PRTN3: variants seen among roughly 807,000 people sequenced by gnomAD.
The protein encoded by PRTN3 is myeloblastin.
A neutral mutation model predicts 20.7 loss-of-function variants in PRTN3; 22 were observed. The observed-to-expected ratio is 1.06, with a 90% CI of 0.76 to 1.52. The LOEUF (loss-of-function observed/expected upper bound fraction) is 1.52. Ranked by LOEUF, PRTN3 falls within the 40% of genes most tolerant of loss-of-function variation. PRTN3 has a pLI of 0.00. For missense variants in PRTN3, 378 were observed against 359.6 expected (o/e 1.05, Z -0.41); for synonymous variants, 173 against 152.9 (o/e 1.13, Z -0.97).
rs2035475633 is a variant in PRTN3, at chr19:843,707, G to C, written c.227+81G>C. 4.0e-6 allele frequency: 6 copies of C among 1,490,880 alleles called. No homozygotes were observed. In the Admixed American group the frequency reaches 6.4e-5, roughly 16 times the overall value. The allele number at this position is 1,490,880 out of a possible 1,614,324, so 92.4% of individuals were successfully genotyped here. ...TGGCCCGGCCACTGTCCCTCTGCCC[G>C]GGGAGGACCCAGCTAAGCCCCGTCT... On this transcript the variant is annotated intron_variant, in intron 2 of 4. Transcript: ENST00000234347.
chr19:843,685 C>A (rs1212015092), intron 2 of PRTN3, 59 bp downstream of exon 2: 2 of 1,523,158 alleles, frequency 1.3e-6, no homozygotes, highest in East Asian at 2.4e-5. Context: ...CCAGCCCTGG[C>A]CCGGCCACTG....
chr19:842,412 G>GTTTTTTT (rs2035457143), intron 1 of PRTN3, among the ~76,000 whole-genome samples: 3 of 77,396 alleles, frequency 3.9e-5, no homozygotes, highest in African/African-American at 1.2e-4. Context: ...CTGCGCCCAG[G>GTTTTTTT]ATTTTTTTTT....
chr19:843,865 C>T (rs760776131), intron 2 of PRTN3, 28 bp from the exon 3 acceptor site: 2 of 1,565,652 alleles, frequency 1.3e-6, no homozygotes, highest in South Asian at 1.2e-5. Flanking sequence ...GTCCAGGGCG[C>T]CGAGGAGTGA....
chr19:846,693 G>T (rs1257435745), intron 4 of PRTN3, among the ~76,000 whole-genome samples: 2 of 152,178 alleles, frequency 1.3e-5, no homozygotes, highest in Non-Finnish European at 2.9e-5. Context: ...TCCAGCGGGA[G>T]GCCCATAAAT....
rs1476569830 is a variant in PRTN3 at position 844,049 on chromosome 19, C to G, written c.369+15C>G. 3 of 1,594,624 alleles carry G rather than the reference C, an allele frequency of 1.9e-6. No homozygotes were observed. Among genetic ancestry groups the G allele is most frequent in the East Asian group, 4.5e-5 (2 of 44,240 alleles). On this transcript the variant is annotated intron_variant, in intron 3 of 4. Coordinates refer to ENST00000234347, the MANE Select transcript of PRTN3 (RefSeq NM_002777.4). ...TCCTCATCCAGGTGGGCGGGCAGGGCCGCGAGGGCTCGGAGGGGCACGGCC... is the reference window on the plus strand; with the variant it reads ...TCCTCATCCAGGTGGGCGGGCAGGGGCGCGAGGGCTCGGAGGGGCACGGCC...
In PRTN3 at chr19:847,730, T is replaced by C. The variant is rs1476543950; in HGVS notation, c.601-69T>C. 2.0e-6 allele frequency: 3 copies of C among 1,515,246 alleles called. No homozygotes were observed. The Admixed American group carries it at 5.9e-5, about 30-fold the overall frequency. The allele number at this position is 1,515,246 out of a possible 1,614,324, so 93.9% of individuals were successfully genotyped here. On this transcript the variant is annotated intron_variant, in intron 4 of 4. Coordinates refer to ENST00000234347, the MANE Select transcript of PRTN3 (RefSeq NM_002777.4). Reference sequence around the variant, plus strand: ...ACTCAGGTGGCCCCTGATGGGTGACTGGCCGTCCCCATCCTCCAGGGAGAC... The same window carrying C: ...ACTCAGGTGGCCCCTGATGGGTGACCGGCCGTCCCCATCCTCCAGGGAGAC...
chr19:841,149 A>G, intron 1 of PRTN3, 80 bp downstream of exon 1: 1 of 1,532,126 alleles, frequency 6.5e-7, no homozygotes, highest in Non-Finnish European at 8.8e-7. Context: ...AGGTCCATCC[A>G]AAGCCCTTCT....
intron 3 of PRTN3, 104 bp from the exon 4 acceptor site, chr19:846,043 C>T (rs562714313): frequency 5.5e-5 from 41 of 748,706 alleles, no homozygotes; most frequent in Non-Finnish European, 7.0e-5. Context: ...GCGGCATCCG[C>T]GGCGTTTTGA....
At chr19:843,690 C>A in intron 2 of PRTN3, 64 bp downstream of exon 2, 1 of 1,515,184 alleles carries the variant, frequency 6.6e-7, no homozygotes. Context: ...CCTGGCCCGG[C>A]CACTGTCCCT....
At chr19:842,413 ATT>A (rs34047197) in intron 1 of PRTN3, among the ~76,000 whole-genome samples, 3,020 of 39,036 alleles carry the variant, frequency 0.077, 61 homozygotes, top group African/African-American at 0.21. Context: ...TGCGCCCAGG[ATT>A]TTTTTTTTTT....
Position 847,943 on chromosome 19 carries a change from C to T in PRTN3, c.745C>T (p.Arg249Cys), listed in dbSNP as rs1378631039. 13 of 1,604,544 alleles carry T rather than the reference C, an allele frequency of 8.1e-6. No individual in the cohort carries two copies. Among genetic ancestry groups the T allele is most frequent in the South Asian group, 3.3e-5 (3 of 89,668 alleles). The change falls in exon 5 of 5, where the codon CGT becomes TGT. Residue 249 changes from arginine (R) to cysteine (C), a missense_variant. Transcript: ENST00000234347. ...YVDWIRSTLR[R>C]VEAKGRP ...GGACTGGATCCGTTCCACGCTGCGC[C>T]GTGTGGAGGCCAAGGGCCGCCCCTG...
Position 848,067 on chromosome 19 carries a change from C to T in PRTN3, c.*98C>T, listed in dbSNP as rs1454862708. 9.9e-6 allele frequency: 14 copies of T among 1,413,032 alleles called. No homozygotes were observed. The highest frequency in any genetic ancestry group is 5.0e-5 in the East Asian group (2 of 39,922). 87.5% of individuals were successfully genotyped at this position (1,413,032 alleles called of 1,614,324 possible). On this transcript the variant is annotated 3_prime_UTR_variant, in exon 5 of 5. Coordinates refer to ENST00000234347, the MANE Select transcript of PRTN3 (RefSeq NM_002777.4). ...AGCAGCTCTTCCCCGAACACTGTGG[C>T]GTCCGGGACGGCCCCACCCGTCCCC... is the stretch of plus-strand genomic sequence containing the variant.
intron 3 of PRTN3, 78 bp from the exon 4 acceptor site, chr19:846,068 TG>T: frequency 1.9e-6 from 2 of 1,056,960 alleles, no homozygotes; most frequent in Non-Finnish European, 2.6e-6. Flanking sequence ...GTGGGTGTGG[TG>T]GGTGTGGTGG....
At chr19:847,557 G>GAAAGAA (rs55921706) in intron 4 of PRTN3, among the ~76,000 whole-genome samples, 1 of 121,898 alleles carries the variant, frequency 8.2e-6, no homozygotes, top group African/African-American at 3.4e-5. Context: ...GAAAAAGAAA[G>GAAAGAA]AGAGAGAGAG....
chr19:842,395 T>C (rs1218336506), intron 1 of PRTN3, among the ~76,000 whole-genome samples: 2 of 145,054 alleles, frequency 1.4e-5, no homozygotes, highest in Non-Finnish European at 3.0e-5. Context: ...CACTCAGGCA[T>C]GAGCCACTGC....
chr19:845,702 G>A (rs1214456337), intron 3 of PRTN3, among the ~76,000 whole-genome samples: 3 of 136,674 alleles, frequency 2.2e-5, no homozygotes, highest in Admixed American at 7.5e-5. Flanking sequence ...CAACAAGAGC[G>A]AAACTCCATC....
intron 1 of PRTN3, among the ~76,000 whole-genome samples, chr19:841,565 T>TGAAC (rs1278622470): frequency 1.8e-5 from 1 of 56,994 alleles, no homozygotes; most frequent in African/African-American, 6.4e-5. Flanking sequence ...AGTGAATGAG[T>TGAAC]GAATGAATGA....
intron 1 of PRTN3, 115 bp from the exon 2 acceptor site, chr19:843,346 C>G: frequency 8.4e-7 from 1 of 1,183,892 alleles, no homozygotes. Flanking sequence ...CCAGCAGGCA[C>G]TGACCGGGTT....
At chr19:847,541 AAG>A (rs1244890764) in intron 4 of PRTN3, among the ~76,000 whole-genome samples, 387 of 134,846 alleles carry the variant, frequency 2.9e-3, no homozygotes, top group African/African-American at 0.011. Context: ...GAAAGAAAGA[AAG>A]AAAGAAAAAG....
Sources: gnomAD v4.1 joint callset for allele counts (sites outside exome capture counted in the v4.1 genomes callset) on GRCh38, gnomAD v4.1.1 for gene constraint, MANE v1.5 for transcripts, NCBI Gene and HGNC (gene_info 2026-07-23, HGNC 2026-07-21) for gene names.